Variants in CCDC30 observed in about 807,000 individuals in gnomAD.
CCDC30 encodes coiled-coil domain containing 30, also known as coiled-coil domain-containing protein 30.
A neutral mutation model predicts 100.2 loss-of-function variants in CCDC30; 70 were observed. The ratio of observed to expected loss-of-function variants is 0.70; its 90% CI spans 0.58 to 0.85. The LOEUF is 0.85. CCDC30 is among the 40% of genes least tolerant of loss of function. The probability of loss-of-function intolerance (pLI) is 0.00; values close to 1 mark genes in which losing one functional copy is unlikely to be tolerated. For missense variants in CCDC30, 652 were observed against 771.2 expected (o/e 0.85, Z 1.83); for synonymous variants, 233 against 269.5 (o/e 0.86, Z 1.33).
chr1:42,498,476 A>C (rs1644261449), intron 5 of CCDC30, among the ~76,000 whole-genome samples: 1 of 152,192 alleles, frequency 6.6e-6, no homozygotes. Context: ...TGTGTATTTT[A>C]CCACAATAAA....
chr1:42,577,850 C>A (rs1645874216), intron 8 of CCDC30, among the ~76,000 whole-genome samples: 1 of 152,046 alleles, frequency 6.6e-6, no homozygotes, highest in Admixed American at 6.6e-5. Context: ...CCGTGTTAGC[C>A]AGGGTGGTCT....
chr1:42,461,833 C>T (rs935563103), upstream of CCDC30, among the ~76,000 whole-genome samples: 5 of 152,122 alleles, frequency 3.3e-5, no homozygotes, highest in Non-Finnish European at 7.4e-5. Context: ...GCGTGAGCCA[C>T]CGCGCCCAGC....
upstream of CCDC30, among the ~76,000 whole-genome samples, chr1:42,458,664 A>G (rs1643311236): frequency 6.6e-6 from 1 of 152,188 alleles, no homozygotes; most frequent in Non-Finnish European, 1.5e-5. Context: ...TTTTTAGGGC[A>G]AAGTCTGATG....
chr1:42,540,377 C>T (rs1015380916), intron 6 of CCDC30, among the ~76,000 whole-genome samples: 1 of 151,980 alleles, frequency 6.6e-6, no homozygotes, highest in Non-Finnish European at 1.5e-5. Flanking sequence ...AAGTTATCAT[C>T]ACGTTGTACA....
intron 11 of CCDC30, among the ~76,000 whole-genome samples, chr1:42,618,958 G>T (rs1156435718): frequency 1.3e-5 from 2 of 152,068 alleles, no homozygotes; most frequent in Non-Finnish European, 2.9e-5. Context: ...CTCATCCTAT[G>T]CTGAGTAATA....
chr1:42,520,313 C>A (rs560084142), intron 6 of CCDC30, among the ~76,000 whole-genome samples: 1 of 151,090 alleles, frequency 6.6e-6, no homozygotes, highest in Non-Finnish European at 1.5e-5. Context: ...TTTCATTGAT[C>A]TTTAAGTATT....
At position 42,624,655 on chromosome 1, in the gene CCDC30, T is replaced by G. The variant is rs960920175; in HGVS notation, c.1278-12582T>G. 8.5e-5 allele frequency among the ~76,000 whole-genome samples: 13 copies of G among 152,238 alleles called. No individual in the cohort carries two copies. The South Asian group carries it at 2.1e-3, about 24-fold the overall frequency. ...CCATGATGCCCAACTAATTTTTAATTTTTTGTAGAGATGGAGTCTTGCTAT... is the reference window on the plus strand; with the variant it reads ...CCATGATGCCCAACTAATTTTTAATGTTTTGTAGAGATGGAGTCTTGCTAT... On this transcript the variant is annotated intron_variant, in intron 11 of 16. Transcript: ENST00000668663.
At chr1:42,457,250 C>A in the CCDC30 span, 7 of 1,614,180 alleles carry the variant, frequency 4.3e-6, no homozygotes, top group Non-Finnish European at 5.9e-6. Context: ...TTTGCAGGCC[C>A]TTCTGCGATG....
chr1:42,460,934 T>G (rs921415717), upstream of CCDC30, among the ~76,000 whole-genome samples: 9 of 152,262 alleles, frequency 5.9e-5, no homozygotes, highest in African/African-American at 2.2e-4. Context: ...ACTGCCCTGC[T>G]TAATCTTTGA....
intron 11 of CCDC30, among the ~76,000 whole-genome samples, chr1:42,623,083 G>A (rs1275539979): frequency 1.3e-5 from 2 of 152,154 alleles, no homozygotes; most frequent in Middle Eastern, 3.4e-3. Flanking sequence ...CAGATTATTG[G>A]ATTTTTTCCT....
intron 11 of CCDC30, among the ~76,000 whole-genome samples, chr1:42,614,284 G>T (rs973822502): frequency 2.0e-5 from 3 of 151,622 alleles, no homozygotes; most frequent in African/African-American, 7.3e-5. Context: ...GTTTCACCGT[G>T]TTAGCCAGGA....
intron 10 of CCDC30, chr1:42,592,047 C>T (rs766397466): frequency 2.6e-5 from 4 of 152,184 alleles, no homozygotes; most frequent in Non-Finnish European, 4.4e-5. Context: ...GCCTGTACTA[C>T]CACTGTATCT....
chr1:42,629,002 T>G (rs1646984025), intron 11 of CCDC30, among the ~76,000 whole-genome samples: 1 of 152,232 alleles, frequency 6.6e-6, no homozygotes, highest in African/African-American at 2.4e-5. Flanking sequence ...TCTTGAAAAT[T>G]GTTGTAGTCA....
chr1:42,554,213 A>C (rs112263378), intron 6 of CCDC30, among the ~76,000 whole-genome samples: 3,324 of 146,986 alleles, frequency 0.023, 134 homozygotes, highest in African/African-American at 0.081. Context: ...CTTATGGATT[A>C]TTTTATTGCA....
At chr1:42,638,578 A>G (rs1647207291) in intron 12 of CCDC30, among the ~76,000 whole-genome samples, 1 of 147,868 alleles carries the variant, frequency 6.8e-6, no homozygotes, top group African/African-American at 2.5e-5. Context: ...AAAAAAAAAG[A>G]AAAGAAAAGA....
chr1:42,457,921 C>T, the CCDC30 span, among the ~76,000 whole-genome samples: 1 of 150,684 alleles, frequency 6.6e-6, no homozygotes. Context: ...CGCCATTGCA[C>T]TCCAGCCCGG....
At chr1:42,536,202 A>G (rs889833621) in intron 6 of CCDC30, among the ~76,000 whole-genome samples, 1 of 152,152 alleles carries the variant, frequency 6.6e-6, no homozygotes, top group African/African-American at 2.4e-5. Flanking sequence ...CTTATATTTG[A>G]TAAGTGATTA....
intron 6 of CCDC30, among the ~76,000 whole-genome samples, chr1:42,518,323 A>G (rs960933583): frequency 6.6e-6 from 1 of 152,116 alleles, no homozygotes; most frequent in African/African-American, 2.4e-5. Flanking sequence ...TTCATGTCCT[A>G]CTACTTTTTG....
At chr1:42,489,891 C>A in intron 3 of CCDC30, 2 of 196,928 alleles carry the variant, frequency 1.0e-5, no homozygotes, top group Non-Finnish European at 1.0e-5. Flanking sequence ...GGTTTAAATT[C>A]CTCTTCATCA....
Sources: gnomAD v4.1 joint callset for allele counts (sites outside exome capture counted in the v4.1 genomes callset) on GRCh38, gnomAD v4.1.1 for gene constraint, MANE v1.5 for transcripts, NCBI Gene and HGNC (gene_info 2026-07-23, HGNC 2026-07-21) for gene names.